Variants in SPARC observed in about 807,000 individuals in gnomAD.
SPARC encodes the protein secreted protein acidic and cysteine rich.
A neutral mutation model predicts 37.7 loss-of-function variants in SPARC; 23 were observed. That is an observed-to-expected ratio of 0.61 (90% CI 0.44 to 0.87). SPARC has a LOEUF of 0.87. SPARC is among the 40% of genes least tolerant of loss of function. The pLI is 0.00. For missense variants in SPARC, 312 were observed against 389.0 expected, an observed-to-expected ratio of 0.80 and a Z score of 1.66; for synonymous variants, 155 against 150.8, an observed-to-expected ratio of 1.03 and a Z score of -0.20.
In SPARC at chr5:151,663,331, G is replaced by A. The variant is rs888868847; in HGVS notation, c.*240C>T. 7.5e-6 allele frequency: 4 copies of A among 530,294 alleles called. No homozygotes were observed. The highest frequency in any genetic ancestry group is 1.3e-5 in the Non-Finnish European group (4 of 298,454). 32.8% of individuals were successfully genotyped at this position (530,294 alleles called of 1,614,324 possible). On this transcript the variant is annotated 3_prime_UTR_variant, in exon 10 of 10. Coordinates refer to ENST00000231061, the MANE Select transcript of SPARC (RefSeq NM_003118.4). ...TAAGACAATGGGCAAAGCTACAAAT[G>A]GCAAGAGAAAAATGGGACTATTAAT...
chr5:151,667,368 T>G, intron 7 of SPARC, 99 bp downstream of exon 7: 1 of 1,403,240 alleles, frequency 7.1e-7, no homozygotes, highest in Admixed American at 1.7e-5. Context: ...AAATGCACGC[T>G]CCGGAGCAGG....
intron 6 of SPARC, among the ~76,000 whole-genome samples, chr5:151,668,187 C>G (rs1405358661): frequency 2.0e-5 from 3 of 146,592 alleles, no homozygotes; most frequent in African/African-American, 7.6e-5. Context: ...GGGTCTCACT[C>G]TGTTGCCCAG....
At chr5:151,678,314 G>A in intron 1 of SPARC, among the ~76,000 whole-genome samples, 1 of 152,116 alleles carries the variant, frequency 6.6e-6, no homozygotes, top group Non-Finnish European at 1.5e-5. Flanking sequence ...TCCCCTCTGT[G>A]ACCAGGGGAA....
At chr5:151,674,698 T>C in intron 2 of SPARC, 24 bp from the exon 3 acceptor site, 1 of 1,612,630 alleles carries the variant, frequency 6.2e-7, no homozygotes, top group Non-Finnish European at 8.5e-7. Flanking sequence ...AAAGTAGCGT[T>C]CAGAGGGGTC....
At position 151,677,482 on chromosome 5, in the gene SPARC, T is replaced by C. The variant is rs559881882; in HGVS notation, c.-13-1281A>G. Among the ~76,000 whole-genome samples, 5 of 152,292 alleles carry C rather than the reference T, an allele frequency of 3.3e-5. No individual in the cohort carries two copies. The South Asian group carries it at 1.0e-3, about 32-fold the overall frequency. On this transcript the variant is annotated intron_variant, in intron 1 of 9. Transcript: ENST00000231061. ...AATGGTGGTGGGAGGTAACCCGGCA[T>C]CATGGAGAAAAATACTCAGCTTGAA...
intron 8 of SPARC, among the ~76,000 whole-genome samples, chr5:151,664,623 C>T (rs894176412): frequency 1.3e-5 from 2 of 152,134 alleles, no homozygotes; most frequent in African/African-American, 2.4e-5. Context: ...ATGGGTAGAT[C>T]AAAATCTAGC....
At position 151,661,501 on chromosome 5, in the gene SPARC, AG is replaced by A. The variant is rs1760501680; in HGVS notation, c.*2069del. The stretch of plus-strand genomic sequence containing the variant: ...AGTAATCTTAACATAACTTAAAATA[AG>A]AGAGGGGAAATGACATCTGGAGATC... On this transcript the variant is annotated 3_prime_UTR_variant, in exon 10 of 10. Coordinates refer to ENST00000231061, the MANE Select transcript of SPARC (RefSeq NM_003118.4). 6.6e-6 allele frequency: 1 copy of A among 152,248 alleles called. No individual in the cohort carries two copies. Among genetic ancestry groups the A allele is most frequent in the African/African-American group, 2.4e-5 (1 of 41,470 alleles). The allele number at this position is 152,248 out of a possible 1,614,324, so 9.4% of individuals were successfully genotyped here.
At chr5:151,672,278 G>A (rs1351746312) in intron 4 of SPARC, among the ~76,000 whole-genome samples, 1 of 152,222 alleles carries the variant, frequency 6.6e-6, no homozygotes, top group African/African-American at 2.4e-5. Context: ...CCTGTGCCCA[G>A]CTAGATCAAA....
rs1454259070 is a variant in SPARC at position 151,671,587 on chromosome 5, C to T, written c.316G>A (p.Gly106Ser). Residue 106 changes from glycine to serine, a missense_variant, in exon 5 of 10, where the codon GGC becomes AGC. Coordinates refer to ENST00000231061, the MANE Select transcript of SPARC (RefSeq NM_003118.4). ...TCAGCCCTCACCTTCTCAAACTCGC[C>T]AATGGGGGCTGGGCAGCTGGTGGGG... ...QDPTSCPAPI[G>S]EFEKVCSNDN... 3 of 1,580,578 alleles carry T rather than the reference C, an allele frequency of 1.9e-6. No homozygotes were observed. Among genetic ancestry groups the T allele is most frequent in the Non-Finnish European group, 2.6e-6 (3 of 1,164,258 alleles).
At chr5:151,672,198 C>T (rs1293196934) in intron 4 of SPARC, among the ~76,000 whole-genome samples, 1 of 152,172 alleles carries the variant, frequency 6.6e-6, no homozygotes, top group Non-Finnish European at 1.5e-5. Flanking sequence ...GCCTGGTAAA[C>T]ACCGGATGAG....
At chr5:151,686,684 G>A (rs1156289849) in intron 1 of SPARC, 181 bp downstream of exon 1, 1 of 152,314 alleles carries the variant, frequency 6.6e-6, no homozygotes, top group Admixed American at 6.5e-5. Context: ...TCCACCTTCT[G>A]AAAAGCAACA....
chr5:151,669,757 C>G lies in SPARC; in HGVS notation c.358G>C (p.Asp120His). The change falls in exon 6 of 10, where the codon GAC (aspartate) becomes CAC (histidine). Residue 120 changes from aspartate to histidine, a missense_variant. Physicochemically the swap from Asp to His is moderately conservative, Grantham distance 81. Coordinates refer to ENST00000231061, the MANE Select transcript of SPARC (RefSeq NM_003118.4). ...KVCSNDNKTF[D>H]SSCHFFATKC... ...GTGGCAAAGAAGTGGCAGGAAGAGT[C>G]GAAGGTCTTGTTGTCATTGCTGCAC... is the stretch of plus-strand genomic sequence containing the variant. 1 of 1,614,180 alleles carries G rather than the reference C, an allele frequency of 6.2e-7. No individual in the cohort carries two copies. Among genetic ancestry groups the G allele is most frequent in the Non-Finnish European group, 8.5e-7 (1 of 1,180,024 alleles).
At chr5:151,670,244 A>G (rs1561918565) in intron 5 of SPARC, among the ~76,000 whole-genome samples, 1 of 152,236 alleles carries the variant, frequency 6.6e-6, no homozygotes, top group African/African-American at 2.4e-5. Flanking sequence ...TCCCTAACTG[A>G]TAAGAGTGGC....
At chr5:151,681,144 A>C (rs1760978379) in intron 1 of SPARC, among the ~76,000 whole-genome samples, 1 of 152,238 alleles carries the variant, frequency 6.6e-6, no homozygotes, top group South Asian at 2.1e-4. Flanking sequence ...AAAGAGAGGA[A>C]AACAAGCCTA....
intron 1 of SPARC, chr5:151,686,332 G>C (rs888865720): frequency 6.6e-5 from 10 of 152,194 alleles, no homozygotes; most frequent in Admixed American, 6.5e-4. Flanking sequence ...AAAACAGAAG[G>C]CTTCCCAGAG....
intron 6 of SPARC, among the ~76,000 whole-genome samples, chr5:151,668,301 T>TA (rs1760675185): frequency 6.6e-6 from 1 of 151,948 alleles, no homozygotes; most frequent in African/African-American, 2.4e-5. Flanking sequence ...TACAGGCACA[T>TA]GCCACCATAC....
rs566312232 is a variant in SPARC at position 151,671,257 on chromosome 5, C to T, written c.330+316G>A. On this transcript the variant is annotated intron_variant, in intron 5 of 9. Coordinates refer to ENST00000231061, the MANE Select transcript of SPARC (RefSeq NM_003118.4). ...GATGGAGATGAGGTTTGAAGTCAAC[C>T]TTCAGTTTGGCCCCAGAACCCGTAT... 2.0e-5 allele frequency among the ~76,000 whole-genome samples: 3 copies of T among 152,278 alleles called. No individual in the cohort carries two copies. The East Asian group carries it at 5.8e-4, about 29-fold the overall frequency.
rs1451548840 is a variant in SPARC at position 151,662,760 on chromosome 5, T to C, written c.*811A>G. ...ATCTCACTCTTGATTTTGGCCTTCC[T>C]GGCTGAAACAGCCTGGCAGTCCCTA... On this transcript the variant is annotated 3_prime_UTR_variant, in exon 10 of 10. Transcript: ENST00000231061. The C allele has an allele frequency of 6.6e-6, 1 of 152,246 alleles. No individual in the cohort carries two copies. The highest frequency in any genetic ancestry group is 1.5e-5 in the Non-Finnish European group (1 of 68,048). The allele number at this position is 152,246 out of a possible 1,614,324, so 9.4% of individuals were successfully genotyped here.
At chr5:151,682,333 A>G (rs1220491475) in intron 1 of SPARC, among the ~76,000 whole-genome samples, 1 of 152,188 alleles carries the variant, frequency 6.6e-6, no homozygotes, top group Non-Finnish European at 1.5e-5. Flanking sequence ...GTGGAGCTTC[A>G]GGCTTCATCC....
Sources: gnomAD v4.1 joint callset for allele counts (sites outside exome capture counted in the v4.1 genomes callset) on GRCh38, gnomAD v4.1.1 for gene constraint, MANE v1.5 for transcripts, NCBI Gene and HGNC (gene_info 2026-07-23, HGNC 2026-07-21) for gene names.